Variants in PRKN observed in about 807,000 individuals in gnomAD.
PRKN encodes the protein E3 ubiquitin-protein ligase parkin.
PRKN carries 56 observed loss-of-function variants against 59.5 expected under a neutral mutation model. The observed-to-expected ratio is 0.94, with a 90% confidence interval of 0.76 to 1.18. The LOEUF (loss-of-function observed/expected upper bound fraction) is 1.18, where lower values mean the gene tolerates loss of function less well. Ranked by LOEUF, PRKN falls within the 50% of genes most tolerant of loss-of-function variation. PRKN has a pLI of 0.00. For synonymous variants in PRKN, 250 were observed against 222.1 expected (o/e 1.13, Z -1.12); for missense variants, 657 against 596.4 (o/e 1.10, Z -1.06).
At chr6:161,897,024 G>A (rs760109174) in intron 6 of PRKN, among the ~76,000 whole-genome samples, 8 of 152,182 alleles carry the variant, frequency 5.3e-5, no homozygotes, top group Non-Finnish European at 7.3e-5. Flanking sequence ...ATCAATGACC[G>A]ATGATATAGT....
intron 5 of PRKN, among the ~76,000 whole-genome samples, chr6:162,033,699 T>G (rs1362265666): frequency 6.6e-6 from 1 of 152,172 alleles, no homozygotes; most frequent in African/African-American, 2.4e-5. Flanking sequence ...GCTTTCATCT[T>G]AGAAATCGTT....
chr6:161,840,820 GTA>G (rs1792954923), intron 6 of PRKN, among the ~76,000 whole-genome samples: 1 of 152,018 alleles, frequency 6.6e-6, no homozygotes, highest in Non-Finnish European at 1.5e-5. Flanking sequence ...ATTCCACATG[GTA>G]TATACGTACC....
chr6:162,337,770 G>T (rs1783911316), intron 2 of PRKN, among the ~76,000 whole-genome samples: 1 of 152,102 alleles, frequency 6.6e-6, no homozygotes, highest in South Asian at 2.1e-4. Context: ...CATAGGAATG[G>T]AAAGAAAACC....
At chr6:161,504,409 C>CG (rs1044654827) in intron 9 of PRKN, among the ~76,000 whole-genome samples, 2 of 152,086 alleles carry the variant, frequency 1.3e-5, no homozygotes, top group African/African-American at 4.8e-5. Flanking sequence ...CTCAGGTGTG[C>CG]GGGGATGGGA....
At chr6:162,570,216 A>C (rs9365466) in intron 1 of PRKN, among the ~76,000 whole-genome samples, 46,743 of 152,122 alleles carry the variant, frequency 0.31, 7,642 homozygotes, top group East Asian at 0.49. Context: ...GGTCAACATC[A>C]CTCATCATCA....
intron 1 of PRKN, among the ~76,000 whole-genome samples, chr6:162,674,632 C>T (rs977736231): frequency 2.0e-5 from 3 of 152,052 alleles, no homozygotes; most frequent in African/African-American, 7.2e-5. Flanking sequence ...TTTTTGAAGG[C>T]CCTGTTGTGC....
At chr6:162,424,010 A>G (rs1789103107) in intron 2 of PRKN, among the ~76,000 whole-genome samples, 1 of 152,200 alleles carries the variant, frequency 6.6e-6, no homozygotes, top group South Asian at 2.1e-4. Flanking sequence ...GCGTGTCCTC[A>G]TAGGGTGAAC....
chr6:161,940,806 C>T (rs189332829), intron 6 of PRKN, among the ~76,000 whole-genome samples: 18 of 152,300 alleles, frequency 1.2e-4, no homozygotes, highest in Admixed American at 1.1e-3. Flanking sequence ...GCACAATCTA[C>T]AATGCAGGAC....
At chr6:161,598,587 T>C (rs569501618) in intron 7 of PRKN, among the ~76,000 whole-genome samples, 41 of 152,368 alleles carry the variant, frequency 2.7e-4, no homozygotes, top group Non-Finnish European at 5.0e-4. Flanking sequence ...TTCTATATTA[T>C]ATGAATTTTG....
chr6:162,051,273 C>G (rs1448433134), intron 5 of PRKN, among the ~76,000 whole-genome samples: 1 of 152,102 alleles, frequency 6.6e-6, no homozygotes, highest in Non-Finnish European at 1.5e-5. Flanking sequence ...GAGAGGCCGT[C>G]TATGCGAGAT....
At chr6:162,258,612 C>A (rs1457113443) in intron 3 of PRKN, among the ~76,000 whole-genome samples, 3 of 152,176 alleles carry the variant, frequency 2.0e-5, no homozygotes, top group Non-Finnish European at 4.4e-5. Context: ...CAAAGCACAG[C>A]CCCTGGGCCC....
chr6:161,794,851 T>A (rs1405417059), intron 6 of PRKN, among the ~76,000 whole-genome samples: 3 of 152,208 alleles, frequency 2.0e-5, no homozygotes, highest in Admixed American at 2.0e-4. Context: ...TTTCTTGTAA[T>A]GTTTACATTT....
At position 161,428,058 on chromosome 6, in the gene PRKN, C is replaced by T. The variant is rs190843491; in HGVS notation, c.1084-41181G>A. Among the ~76,000 whole-genome samples the T allele has an allele frequency of 5.3e-5, 8 of 152,270 alleles. No individual in the cohort carries two copies. Among genetic ancestry groups the T allele is most frequent in the Middle Eastern group, 3.4e-3 (1 of 294 alleles). On this transcript the variant is annotated intron_variant, in intron 9 of 11. Coordinates refer to ENST00000366898, the MANE Select transcript of PRKN (RefSeq NM_004562.3). This position sits in a 1 kb window ranked among gnomAD's most constrained non-coding sequence, Gnocchi z 4.0. ...GCTCGCTGCAGTCTGAGTGTGTCTC[C>T]GTGGAGCTCGGCATTTGGACACAGC...
At chr6:162,068,294 C>T (rs1778422346) in intron 4 of PRKN, among the ~76,000 whole-genome samples, 1 of 152,048 alleles carries the variant, frequency 6.6e-6, no homozygotes, top group African/African-American at 2.4e-5. Context: ...CTTCATTTAT[C>T]TCAGAAATCA....
intron 6 of PRKN, among the ~76,000 whole-genome samples, chr6:161,859,337 A>G (rs1209124038): frequency 3.3e-5 from 5 of 151,836 alleles, no homozygotes; most frequent in Non-Finnish European, 7.4e-5. Context: ...AGACGCGGTG[A>G]CTGACGCCTG....
chr6:162,081,323 T>C (rs1315957829), intron 4 of PRKN, among the ~76,000 whole-genome samples: 2 of 152,104 alleles, frequency 1.3e-5, no homozygotes, highest in Non-Finnish European at 2.9e-5. Context: ...ATGAGAGCTA[T>C]AGCATCATGA....
rs528559235 is a variant in PRKN, at chr6:162,554,948, T to A, written c.8-111475A>T. On this transcript the variant is annotated intron_variant, in intron 1 of 11. Coordinates refer to ENST00000366898, the MANE Select transcript of PRKN (RefSeq NM_004562.3). The stretch of plus-strand genomic sequence containing the variant: ...TGGGGGGCTTTATAGAAAGGAGGAA[T>A]TCTGTGCTACACCTATTATATATCT... Among the ~76,000 whole-genome samples, 23 of 152,262 alleles carry A rather than the reference T, an allele frequency of 1.5e-4. No individual in the cohort carries two copies. The South Asian group carries it at 3.5e-3, about 23-fold the overall frequency.
intron 8 of PRKN, among the ~76,000 whole-genome samples, chr6:161,565,228 T>G (rs1288628759): frequency 6.6e-6 from 1 of 152,176 alleles, no homozygotes; most frequent in African/African-American, 2.4e-5. Context: ...AAAACTTCAA[T>G]GCCAGTGCCT....
At chr6:162,310,387 G>A (rs764676827) in intron 2 of PRKN, among the ~76,000 whole-genome samples, 25 of 152,112 alleles carry the variant, frequency 1.6e-4, no homozygotes, top group Admixed American at 4.6e-4. Context: ...CCATGGTGAC[G>A]GAAGCAGAGG....
Sources: gnomAD v4.1 joint callset for allele counts (sites outside exome capture counted in the v4.1 genomes callset) on GRCh38, gnomAD v4.1.1 for gene constraint, Gnocchi (gnomAD v3.1) non-coding constraint, MANE v1.5 for transcripts, NCBI Gene and HGNC (gene_info 2026-07-23, HGNC 2026-07-21) for gene names.